Variants in PPP2R3A observed in about 807,000 individuals in gnomAD.
PPP2R3A encodes the protein protein phosphatase 2 regulatory subunit B''alpha.
A neutral mutation model predicts 106.9 loss-of-function variants in PPP2R3A; 80 were observed. The observed-to-expected ratio is 0.75, with a 90% CI of 0.62 to 0.90. The LOEUF is 0.90. Ranked by LOEUF, PPP2R3A falls within the 40% of genes least tolerant of loss-of-function variation. PPP2R3A has a pLI of 0.00. For synonymous variants in PPP2R3A, 483 were observed against 468.3 expected (o/e 1.03, Z -0.41); for missense variants, 1,386 against 1,350.4 (o/e 1.03, Z -0.41).
intron 13 of PPP2R3A, among the ~76,000 whole-genome samples, chr3:136,139,462 GA>G (rs1396481627): frequency 1.3e-5 from 2 of 151,938 alleles, no homozygotes; most frequent in African/African-American, 4.8e-5. Flanking sequence ...TTGGGAGGCC[GA>G]GGGGGGGGAT....
At chr3:136,090,377 A>G (rs1035969645) in intron 9 of PPP2R3A, among the ~76,000 whole-genome samples, 3 of 152,272 alleles carry the variant, frequency 2.0e-5, no homozygotes, top group Non-Finnish European at 4.4e-5. Context: ...TCTTTTCTTC[A>G]TATTTGCAAA....
chr3:135,981,027 C>T (rs1371447995), intron 1 of PPP2R3A, among the ~76,000 whole-genome samples: 1 of 151,856 alleles, frequency 6.6e-6, no homozygotes, highest in Non-Finnish European at 1.5e-5. Context: ...GCCTGGTTGA[C>T]AGAATGTCCT....
intron 1 of PPP2R3A, among the ~76,000 whole-genome samples, chr3:135,987,379 G>A (rs370794159): frequency 6.6e-6 from 1 of 152,086 alleles, no homozygotes; most frequent in African/African-American, 2.4e-5. Context: ...ACACAGTAAG[G>A]CTGTGTTATT....
chr3:135,976,534 C>T (rs1306977450), intron 1 of PPP2R3A, among the ~76,000 whole-genome samples: 1 of 152,162 alleles, frequency 6.6e-6, no homozygotes, highest in Non-Finnish European at 1.5e-5. Context: ...AGGTGCTTGC[C>T]TTTTCTTGTT....
At chr3:136,069,463 G>C (rs1361643159) in intron 5 of PPP2R3A, among the ~76,000 whole-genome samples, 1 of 152,114 alleles carries the variant, frequency 6.6e-6, no homozygotes, top group Non-Finnish European at 1.5e-5. Flanking sequence ...TGTAGTCCCA[G>C]CTACTCAAGA....
intron 2 of PPP2R3A, among the ~76,000 whole-genome samples, chr3:136,007,711 G>T (rs1380761431): frequency 6.6e-6 from 1 of 152,126 alleles, no homozygotes; most frequent in Admixed American, 6.5e-5. Context: ...CAAGCTCTTT[G>T]TTTAAATTTT....
intron 2 of PPP2R3A, among the ~76,000 whole-genome samples, chr3:136,021,235 T>C (rs1020139598): frequency 1.3e-5 from 2 of 151,950 alleles, no homozygotes; most frequent in Non-Finnish European, 2.9e-5. Flanking sequence ...GGAAAAAATA[T>C]GGGAAAGCTA....
intron 2 of PPP2R3A, among the ~76,000 whole-genome samples, chr3:136,005,149 T>A (rs1933796808): frequency 1.3e-5 from 2 of 152,184 alleles, no homozygotes; most frequent in African/African-American, 4.8e-5. Context: ...GTCAAAACGC[T>A]ATCAAAACCT....
intron 13 of PPP2R3A, among the ~76,000 whole-genome samples, chr3:136,129,695 C>T (rs553210034): frequency 6.6e-6 from 1 of 152,294 alleles, no homozygotes; most frequent in East Asian, 1.9e-4. Flanking sequence ...GATGCCAAAG[C>T]CTACCAGAGA....
intron 5 of PPP2R3A, among the ~76,000 whole-genome samples, chr3:136,068,666 A>G (rs1936334541): frequency 6.6e-6 from 1 of 152,268 alleles, no homozygotes; most frequent in African/African-American, 2.4e-5. Flanking sequence ...CTAACAATAG[A>G]TGCTAAAATG....
intron 1 of PPP2R3A, among the ~76,000 whole-genome samples, chr3:135,986,763 C>T (rs371397411): frequency 6.6e-6 from 1 of 152,146 alleles, no homozygotes; most frequent in African/African-American, 2.4e-5. Context: ...ATAATTCTTT[C>T]TGTTGTGTCA....
chr3:136,008,406 C>T (rs1933921254), intron 2 of PPP2R3A, among the ~76,000 whole-genome samples: 2 of 152,182 alleles, frequency 1.3e-5, no homozygotes, highest in African/African-American at 4.8e-5. Flanking sequence ...ACACATCTGC[C>T]TGGTGGCAAA....
intron 5 of PPP2R3A, among the ~76,000 whole-genome samples, chr3:136,057,256 A>AC (rs1454738888): frequency 6.6e-6 from 1 of 152,216 alleles, no homozygotes; most frequent in Admixed American, 6.5e-5. Context: ...AATAGCCAGA[A>AC]TATGGAACCC....
intron 10 of PPP2R3A, among the ~76,000 whole-genome samples, chr3:136,099,964 TACAA>T (rs1429050032): frequency 7.0e-6 from 1 of 142,058 alleles, no homozygotes; most frequent in Non-Finnish European, 1.5e-5. Context: ...GGAAGAGAGA[TACAA>T]ACATTTTCAA....
intron 13 of PPP2R3A, among the ~76,000 whole-genome samples, chr3:136,141,974 G>A (rs1243161972): frequency 6.6e-6 from 1 of 152,194 alleles, no homozygotes; most frequent in African/African-American, 2.4e-5. Flanking sequence ...CAGGGCAGTG[G>A]GAAAGATGAG....
intron 1 of PPP2R3A, among the ~76,000 whole-genome samples, chr3:135,993,012 A>T (rs1184709733): frequency 1.3e-5 from 2 of 152,172 alleles, no homozygotes; most frequent in African/African-American, 2.4e-5. Flanking sequence ...TTGAAAATCC[A>T]TATGACCTTA....
chr3:135,992,966 G>A (rs1933237007), intron 1 of PPP2R3A, among the ~76,000 whole-genome samples: 3 of 152,132 alleles, frequency 2.0e-5, no homozygotes, highest in African/African-American at 7.2e-5. Context: ...GGAGTCAAGT[G>A]AGGGAAGTGT....
intron 13 of PPP2R3A, among the ~76,000 whole-genome samples, chr3:136,122,226 C>G (rs1040365943): frequency 6.6e-6 from 1 of 152,078 alleles, no homozygotes; most frequent in African/African-American, 2.4e-5. Flanking sequence ...GAAGCTGAGG[C>G]GGAAGGATCA....
At chr3:136,017,474 T>G (rs377733221) in intron 2 of PPP2R3A, among the ~76,000 whole-genome samples, 2 of 152,338 alleles carry the variant, frequency 1.3e-5, no homozygotes, top group East Asian at 3.9e-4. Context: ...TTCTGGACAT[T>G]TGGGTTGTTT....
Sources: gnomAD v4.1 joint callset for allele counts (sites outside exome capture counted in the v4.1 genomes callset) on GRCh38, gnomAD v4.1.1 for gene constraint, MANE v1.5 for transcripts, NCBI Gene and HGNC (gene_info 2026-07-23, HGNC 2026-07-21) for gene names.